The following ZDHHC15 variants were observed in gnomAD, a reference collection of about 807,000 sequenced individuals.
The protein encoded by ZDHHC15 is zDHHC palmitoyltransferase 15, also known as palmitoyltransferase ZDHHC15.
ZDHHC15 carries 19 observed loss-of-function variants against 31.7 expected under a neutral mutation model. The ratio of observed to expected loss-of-function variants is 0.60; its 90% confidence interval spans 0.42 to 0.88. The LOEUF is 0.88. ZDHHC15 is among the 40% of genes least tolerant of loss of function. ZDHHC15 has a pLI of 0.00. For synonymous variants in ZDHHC15, 103 were observed against 90.0 expected (o/e 1.14, Z -0.82); for missense variants, 209 against 251.2 (o/e 0.83, Z 1.14).
At chrX:75,406,733 G>T (rs780716088) in intron 10 of ZDHHC15, among the ~76,000 whole-genome samples, 1 of 107,445 alleles carries the variant, frequency 9.3e-6, no homozygotes, top group East Asian at 2.9e-4. Flanking sequence ...AAAAGATGGC[G>T]TCACTGCTGA....
chrX:75,386,648 G>C (rs1201207201), intron 10 of ZDHHC15, among the ~76,000 whole-genome samples: 2 of 110,295 alleles, frequency 1.8e-5, no homozygotes, highest in African/African-American at 6.6e-5. Context: ...GTTAATTTTT[G>C]TAGTTTTTCA....
At chrX:75,393,790 G>T (rs992974601) in intron 10 of ZDHHC15, among the ~76,000 whole-genome samples, 1 of 111,611 alleles carries the variant, frequency 9.0e-6, no homozygotes, top group East Asian at 2.8e-4. Context: ...AGTTTATTAA[G>T]TATTATACCA....
intron 3 of ZDHHC15, among the ~76,000 whole-genome samples, chrX:75,456,041 G>GAC (rs1326087294): frequency 4.5e-5 from 5 of 111,490 alleles, no homozygotes; most frequent in Admixed American, 9.6e-5. Context: ...CTACTAGAAA[G>GAC]ACACACACAC....
intron 10 of ZDHHC15, among the ~76,000 whole-genome samples, chrX:75,416,389 C>CA (rs1966576722): frequency 9.0e-6 from 1 of 111,660 alleles, no homozygotes; most frequent in Non-Finnish European, 1.9e-5. Flanking sequence ...GAACAGTAGC[C>CA]AAAACTACTT....
chrX:75,431,580 C>A, intron 4 of ZDHHC15, 60 bp from the exon 5 acceptor site: 1 of 1,001,925 alleles, frequency 1.0e-6, no homozygotes, highest in East Asian at 3.1e-5. Context: ...GACCTTATAT[C>A]TTACTAGCTT....
At chrX:75,407,699 A>G (rs1254859979) in intron 10 of ZDHHC15, among the ~76,000 whole-genome samples, 12 of 112,133 alleles carry the variant, frequency 1.1e-4, no homozygotes, top group Non-Finnish European at 3.8e-5. Flanking sequence ...CCGCCACCCC[A>G]TCTGGGAGGT....
chrX:75,419,866 G>A (rs764555084), intron 9 of ZDHHC15, among the ~76,000 whole-genome samples: 3 of 99,384 alleles, frequency 3.0e-5, no homozygotes, highest in Non-Finnish European at 6.0e-5. Flanking sequence ...ACCAAATACC[G>A]CATGTTCTCA....
intron 2 of ZDHHC15, among the ~76,000 whole-genome samples, chrX:75,492,913 G>A (rs1053496405): frequency 4.5e-5 from 5 of 111,207 alleles, no homozygotes; most frequent in East Asian, 2.8e-4. Flanking sequence ...CTAGCAGAAG[G>A]CAAGAAATAA....
At chrX:75,521,061 A>T (rs2085434774) in intron 1 of ZDHHC15, among the ~76,000 whole-genome samples, 1 of 110,795 alleles carries the variant, frequency 9.0e-6, no homozygotes, top group East Asian at 2.9e-4. Context: ...AAAAAGCAGC[A>T]TCCTTACCAT....
chrX:75,394,174 T>A (rs1158755628), intron 10 of ZDHHC15, among the ~76,000 whole-genome samples: 2 of 111,074 alleles, frequency 1.8e-5, no homozygotes, highest in African/African-American at 6.6e-5. Context: ...ATATGGTTAC[T>A]GCAAATCAAA....
At chrX:75,473,735 G>T (rs2084542311) in intron 3 of ZDHHC15, among the ~76,000 whole-genome samples, 1 of 111,572 alleles carries the variant, frequency 9.0e-6, no homozygotes, top group South Asian at 3.8e-4. Context: ...GCAGAAACAA[G>T]AACTATAATT....
chrX:75,430,042 A>G, intron 5 of ZDHHC15, 62 bp from the exon 6 acceptor site: 1 of 1,118,418 alleles, frequency 8.9e-7, no homozygotes, highest in Non-Finnish European at 1.2e-6. Context: ...AACATCTCAT[A>G]ATTAAACTCA....
intron 10 of ZDHHC15, among the ~76,000 whole-genome samples, chrX:75,409,050 T>A (rs1319619462): frequency 8.9e-6 from 1 of 112,025 alleles, no homozygotes; most frequent in Non-Finnish European, 1.9e-5. Context: ...TTCAATGCAA[T>A]CCCTATCAAA....
At chrX:75,438,259 G>A (rs1336420113) in intron 4 of ZDHHC15, among the ~76,000 whole-genome samples, 1 of 111,809 alleles carries the variant, frequency 8.9e-6, no homozygotes, top group African/African-American at 3.3e-5. Context: ...TGTCAGTGGA[G>A]TAGTGAAGTC....
At chrX:75,518,812 C>T (rs199766696) in intron 1 of ZDHHC15, among the ~76,000 whole-genome samples, 3,503 of 19,271 alleles carry the variant, frequency 0.18, 122 homozygotes, top group East Asian at 0.38. Context: ...TATATACACA[C>T]ACACACACAC....
chrX:75,450,355 C>A (rs2147908721), intron 4 of ZDHHC15, among the ~76,000 whole-genome samples: 1 of 111,601 alleles, frequency 9.0e-6, no homozygotes, highest in South Asian at 3.7e-4. Context: ...GGTTTAGTTA[C>A]ACAGATGTGT....
At chrX:75,413,266 G>A (rs139413776) in intron 10 of ZDHHC15, among the ~76,000 whole-genome samples, 196 of 111,924 alleles carry the variant, frequency 1.8e-3, no homozygotes, top group Non-Finnish European at 2.4e-3. Flanking sequence ...CTCTGCTGCT[G>A]GAGTCTTTGT....
intron 4 of ZDHHC15, among the ~76,000 whole-genome samples, chrX:75,434,437 T>A (rs1373709848): frequency 8.9e-6 from 1 of 112,050 alleles, no homozygotes; most frequent in East Asian, 2.8e-4. Flanking sequence ...GTTTTTCCAA[T>A]GTTATCTTCT....
chrX:75,472,929 G>T (rs906393909), intron 3 of ZDHHC15, among the ~76,000 whole-genome samples: 2 of 112,299 alleles, frequency 1.8e-5, no homozygotes, highest in African/African-American at 6.5e-5. Flanking sequence ...GATTATACTG[G>T]ACTTCATTTA....
Sources: allele counts gnomAD v4.1 joint callset (sites outside exome capture counted in the v4.1 genomes callset), GRCh38; gene constraint gnomAD v4.1.1; transcripts MANE v1.5; gene names NCBI Gene and HGNC (gene_info 2026-07-23, HGNC 2026-07-21).